The following LMO7 variants were observed in gnomAD, a reference collection of about 807,000 sequenced individuals.
LMO7 encodes LIM domain 7, also known as LIM domain only protein 7.
LMO7 carries 120 observed loss-of-function variants against 206.5 expected under a neutral mutation model. That is an observed-to-expected ratio of 0.58 (90% CI 0.50 to 0.68). The LOEUF is 0.68. Ranked by LOEUF, LMO7 falls within the 30% of genes least tolerant of loss-of-function variation. The pLI is 0.00. For synonymous variants in LMO7, 706 were observed against 681.5 expected (o/e 1.04, Z -0.56); for missense variants, 1,959 against 1,957.9 (o/e 1.00, Z -0.01).
intron 2 of LMO7, among the ~76,000 whole-genome samples, chr13:75,718,233 A>C (rs2043716918): frequency 6.6e-6 from 1 of 152,352 alleles, no homozygotes; most frequent in Non-Finnish European, 1.5e-5. Flanking sequence ...CTTGGCAAAC[A>C]TGAACTTAAA....
At chr13:75,635,348 A>G (rs1296498829), upstream of LMO7, among the ~76,000 whole-genome samples, 1 of 152,150 alleles carries the variant, frequency 6.6e-6, no homozygotes, top group Non-Finnish European at 1.5e-5. Context: ...GGGAGCTCAG[A>G]CAGATGAGTA....
intron 3 of LMO7, chr13:75,760,496 T>G (rs1220311180): frequency 7.8e-7 from 1 of 1,284,626 alleles, no homozygotes; most frequent in East Asian, 3.0e-5. Flanking sequence ...CTCTTATTTC[T>G]TCCCTGCCAA....
chr13:75,702,249 G>C (rs535039686), intron 1 of LMO7, among the ~76,000 whole-genome samples: 5 of 152,250 alleles, frequency 3.3e-5, no homozygotes, highest in Non-Finnish European at 1.5e-5. Flanking sequence ...CTGTTTCCCT[G>C]CTCCTTCCTT....
intron 1 of LMO7, among the ~76,000 whole-genome samples, chr13:75,657,302 G>T (rs1385242785): frequency 1.3e-5 from 2 of 152,186 alleles, no homozygotes; most frequent in African/African-American, 2.4e-5. Context: ...TCACTGAGTT[G>T]TGGTACTTTA....
rs762148580 is a variant in LMO7, at chr13:75,855,327, A to G, written c.4729A>G (p.Ile1577Val). The G allele has an allele frequency of 1.3e-5, 21 of 1,613,848 alleles. No homozygotes were observed. Among genetic ancestry groups the G allele is most frequent in the Non-Finnish European group, 1.8e-5 (21 of 1,179,830 alleles). The stretch of plus-strand genomic sequence containing the variant: ...TCTGGGCAAAGGAGCCGCCATGATC[A>G]TCGAGTCCCTGGGTCTTTGTTATCA... ...NILGKGAAMIIESLGLCYHLH... is the reference protein window; with the variant it reads ...NILGKGAAMIVESLGLCYHLH... Residue 1577 changes from isoleucine (I) to valine (V), a missense_variant, in exon 29 of 31, where the codon ATC (isoleucine) becomes GTC (valine). Transcript: ENST00000377534.
chr13:75,621,079 A>G (rs1327959364), exon 1 of LMO7: 2 of 152,174 alleles, frequency 1.3e-5, no homozygotes, highest in African/African-American at 2.4e-5. Context: ...TCTCATGTAC[A>G]TTTTACATGA....
At chr13:75,727,849 C>T (rs2044638668) in intron 3 of LMO7, among the ~76,000 whole-genome samples, 1 of 145,816 alleles carries the variant, frequency 6.9e-6, no homozygotes, top group Non-Finnish European at 1.5e-5. Context: ...TTGTTCAATT[C>T]CCACCTTTGA....
At chr13:75,685,941 G>A (rs2040944258) in intron 1 of LMO7, among the ~76,000 whole-genome samples, 1 of 144,340 alleles carries the variant, frequency 6.9e-6, no homozygotes, top group Admixed American at 7.1e-5. Flanking sequence ...TGTCACCCAG[G>A]CAGTGGCCCA....
intron 1 of LMO7, among the ~76,000 whole-genome samples, chr13:75,675,573 A>G (rs2139430211): frequency 6.6e-6 from 1 of 152,286 alleles, no homozygotes; most frequent in South Asian, 2.1e-4. Context: ...TGTTCCAAGA[A>G]GAAACTAAGC....
intron 27 of LMO7, among the ~76,000 whole-genome samples, chr13:75,851,928 G>T (rs192058232): frequency 1.5e-3 from 225 of 152,068 alleles, no homozygotes; most frequent in African/African-American, 5.3e-3. Context: ...CCATTGACTG[G>T]CTTTTCCTAT....
rs980700852 is a variant in LMO7, at chr13:75,842,071, C to T, written c.4031+88C>T. 2.4e-5 allele frequency: 23 copies of T among 940,122 alleles called. No homozygotes were observed. The African/African-American group carries it at 3.8e-4, about 16-fold the overall frequency. 58.2% of individuals were successfully genotyped at this position (940,122 alleles called of 1,614,324 possible). On this transcript the variant is annotated intron_variant, in intron 24 of 30. Coordinates refer to ENST00000377534, the MANE Select transcript of LMO7 (RefSeq NM_001306080.2). ...CCCGCTTGCTCTTCCTGTTTCCTAC[C>T]ACCCATTCTCCACACAAGTGAATAC...
chr13:75,676,708 A>C (rs2040044879), intron 1 of LMO7, among the ~76,000 whole-genome samples: 2 of 152,352 alleles, frequency 1.3e-5, no homozygotes, highest in South Asian at 4.1e-4. Flanking sequence ...AAGGCATTGC[A>C]TTATTAACAA....
At chr13:75,680,553 G>A (rs973785507) in intron 1 of LMO7, among the ~76,000 whole-genome samples, 3 of 150,974 alleles carry the variant, frequency 2.0e-5, no homozygotes, top group Non-Finnish European at 4.4e-5. Flanking sequence ...AGCCTTGACA[G>A]CATCTGTTGT....
At chr13:75,719,137 G>A (rs760573750) in intron 2 of LMO7, among the ~76,000 whole-genome samples, 3 of 151,818 alleles carry the variant, frequency 2.0e-5, no homozygotes, top group Admixed American at 6.6e-5. Context: ...GCACCACCAC[G>A]CCTGGCTAAT....
rs191435351 is a variant in LMO7 at position 75,755,290 on chromosome 13, G to A, written c.211-5642G>A. Among the ~76,000 whole-genome samples the A allele has an allele frequency of 1.3e-3, 191 of 152,274 alleles. 1 individual carries two copies. The highest frequency in any genetic ancestry group is 4.5e-3 in the African/African-American group (187 of 41,548). ...TTTATTTGATTTTCAAATTCTTTGG[G>A]TAGTTTTTCTTATGGCGTCATCTGC... On this transcript the variant is annotated intron_variant, in intron 3 of 30. Coordinates refer to ENST00000377534, the MANE Select transcript of LMO7 (RefSeq NM_001306080.2).
chr13:75,750,116 C>T (rs1029140058), intron 3 of LMO7, among the ~76,000 whole-genome samples: 13 of 151,236 alleles, frequency 8.6e-5, no homozygotes, highest in African/African-American at 1.2e-4. Context: ...TTAATAGAAA[C>T]GGTATAATTA....
chr13:75,842,988 T>A (rs2059675705), intron 25 of LMO7, 72 bp downstream of exon 25: 1 of 967,778 alleles, frequency 1.0e-6, no homozygotes, highest in African/African-American at 1.6e-5. Context: ...CTTGCATCGA[T>A]GATTTGTAGA....
chr13:75,821,637 C>T (rs1313942215), intron 14 of LMO7, 28 bp downstream of exon 14: 1 of 1,564,120 alleles, frequency 6.4e-7, no homozygotes, highest in Non-Finnish European at 8.7e-7. Context: ...TTCATTTAGT[C>T]TGTTCTGAAG....
intron 3 of LMO7, among the ~76,000 whole-genome samples, chr13:75,729,717 G>A (rs907637773): frequency 6.6e-6 from 1 of 151,536 alleles, no homozygotes; most frequent in African/African-American, 2.4e-5. Flanking sequence ...GTTTTCAAAG[G>A]GAATGCTTCC....
Sources: allele counts gnomAD v4.1 joint callset (sites outside exome capture counted in the v4.1 genomes callset), GRCh38; gene constraint gnomAD v4.1.1; transcripts MANE v1.5; gene names NCBI Gene and HGNC (gene_info 2026-07-23, HGNC 2026-07-21).